Variants in TNKS observed in about 807,000 individuals in gnomAD.
The protein encoded by TNKS is tankyrase.
TNKS carries 72 observed loss-of-function variants against 135.8 expected under a neutral mutation model. The observed-to-expected ratio is 0.53, with a 90% CI of 0.44 to 0.64. TNKS has a LOEUF of 0.64. Ranked by LOEUF, TNKS falls within the 30% of genes least tolerant of loss-of-function variation. TNKS has a pLI of 0.00. For synonymous variants in TNKS, 849 were observed against 649.3 expected (o/e 1.31, Z -4.68); for missense variants, 1,769 against 1,674.0 (o/e 1.06, Z -0.99).
At chr8:9,731,056 G>T (rs765141845) in intron 14 of TNKS, 21 bp downstream of exon 14, 13 of 1,551,438 alleles carry the variant, frequency 8.4e-6, no homozygotes, top group African/African-American at 2.8e-5. Flanking sequence ...GAAGTTAGCT[G>T]TTTGGGAGTC....
chr8:9,621,150 A>T (rs933721548), intron 3 of TNKS, among the ~76,000 whole-genome samples: 5 of 152,208 alleles, frequency 3.3e-5, no homozygotes, highest in Non-Finnish European at 5.9e-5. Context: ...CATTTTAAAA[A>T]TGTTTTAATT....
intron 2 of TNKS, among the ~76,000 whole-genome samples, chr8:9,593,609 G>A (rs989015746): frequency 3.9e-5 from 6 of 152,164 alleles, no homozygotes; most frequent in Admixed American, 3.3e-4. Flanking sequence ...TAAACCAAGT[G>A]TAACTTACTC....
At chr8:9,642,877 AGTAT>A (rs1303266229) in intron 3 of TNKS, among the ~76,000 whole-genome samples, 3 of 146,376 alleles carry the variant, frequency 2.0e-5, no homozygotes, top group Non-Finnish European at 4.5e-5. Flanking sequence ...CTTGACTAAA[AGTAT>A]GTAAGTACTG....
chr8:9,774,849 G>A lies in TNKS; in HGVS notation c.3898-1801G>A, dbSNP rs74594285. Among the ~76,000 whole-genome samples the A allele has an allele frequency of 4.2e-3, 637 of 152,236 alleles. 29 individuals carry two copies. In the East Asian group the frequency reaches 0.096, roughly 23 times the overall value. On this transcript the variant is annotated intron_variant, in intron 26 of 26. Coordinates refer to ENST00000310430, the MANE Select transcript of TNKS (RefSeq NM_003747.3). ...ACTCCTTTGCTTCAACAGCTTTTCC[G>A]CAAGTAAAATGTCATAGAAAGTATT...
Position 9,598,787 on chromosome 8 carries a change from A to G in TNKS, c.899-16795A>G, listed in dbSNP as rs1472876960. Among the ~76,000 whole-genome samples the G allele has an allele frequency of 9.4e-3, 719 of 76,848 alleles. 25 individuals carry two copies. Among genetic ancestry groups the G allele is most frequent in the African/African-American group, 0.032 (605 of 18,890 alleles). 50.4% of individuals were successfully genotyped at this position (76,848 alleles called of 152,430 possible). On this transcript the variant is annotated intron_variant, in intron 2 of 26. Transcript: ENST00000310430. The stretch of plus-strand genomic sequence containing the variant: ...TGTGTATATATATATATATATATAT[A>G]TATATATATATATATATATATATAT...
chr8:9,730,398 A>G (rs1168580715), intron 13 of TNKS, among the ~76,000 whole-genome samples: 1 of 152,182 alleles, frequency 6.6e-6, no homozygotes, highest in African/African-American at 2.4e-5. Flanking sequence ...TGCTACAGTC[A>G]ATCAAAAGAC....
intron 5 of TNKS, among the ~76,000 whole-genome samples, chr8:9,696,150 C>T (rs1031373652): frequency 2.0e-5 from 3 of 152,082 alleles, no homozygotes; most frequent in Non-Finnish European, 4.4e-5. Flanking sequence ...TTTAAAGCTA[C>T]AAGACTGCAT....
intron 3 of TNKS, among the ~76,000 whole-genome samples, chr8:9,635,192 T>C (rs114335270): frequency 6.8e-6 from 1 of 147,562 alleles, no homozygotes; most frequent in Non-Finnish European, 1.5e-5. Flanking sequence ...AAAAAAAAAG[T>C]AATGAACTGC....
chr8:9,772,505 A>G (rs1807971869), intron 26 of TNKS: 1 of 441,802 alleles, frequency 2.3e-6, no homozygotes, highest in Non-Finnish European at 4.5e-6. Context: ...ATATTATAAA[A>G]GAAAGGCTGT....
Position 9,768,026 on chromosome 8 carries a change from G to GT in TNKS, c.3740+1608dup, listed in dbSNP as rs138502342. On this transcript the variant is annotated intron_variant, in intron 25 of 26. Coordinates refer to ENST00000310430, the MANE Select transcript of TNKS (RefSeq NM_003747.3). ...GTATAGCATGTAAAAGTATTTTTGG[G>GT]TTTTTTTGTTTGTTTTTTTGCTTCA... is the stretch of plus-strand genomic sequence containing the variant. 4.6e-5 allele frequency among the ~76,000 whole-genome samples: 7 copies of GT among 151,770 alleles called. No homozygotes were observed. In the East Asian group the frequency reaches 5.8e-4, roughly 13 times the overall value.
At chr8:9,590,422 A>T (rs1228861125) in intron 2 of TNKS, among the ~76,000 whole-genome samples, 1 of 152,122 alleles carries the variant, frequency 6.6e-6, no homozygotes, top group Non-Finnish European at 1.5e-5. Flanking sequence ...CTCTTTTATC[A>T]TGTTTTATTT....
At chr8:9,644,119 G>C (rs375701377) in intron 3 of TNKS, among the ~76,000 whole-genome samples, 4 of 151,958 alleles carry the variant, frequency 2.6e-5, no homozygotes, top group Non-Finnish European at 5.9e-5. Context: ...CTGAAGAGAG[G>C]GGGGAATGGG....
chr8:9,694,195 G>A (rs943368699), intron 5 of TNKS, among the ~76,000 whole-genome samples: 8 of 152,148 alleles, frequency 5.3e-5, no homozygotes, highest in Non-Finnish European at 8.8e-5. Context: ...AATTCACCAT[G>A]TCGGATTATC....
chr8:9,577,062 T>A (rs919770428), intron 1 of TNKS, among the ~76,000 whole-genome samples: 16 of 152,106 alleles, frequency 1.1e-4, no homozygotes, highest in African/African-American at 3.9e-4. Context: ...TATATTTAGT[T>A]TTCAACAGTA....
At chr8:9,611,104 C>T (rs1158564873) in intron 2 of TNKS, among the ~76,000 whole-genome samples, 1 of 152,118 alleles carries the variant, frequency 6.6e-6, no homozygotes, top group Admixed American at 6.5e-5. Context: ...AATTTTGTGA[C>T]CCTACCTTAA....
In TNKS at chr8:9,726,590, G is replaced by T. The variant is rs769875861; in HGVS notation, c.1922-51G>T. ...TTTGTTTCCAAAATCAATGCAGTTG[G>T]AATATATGAGTTTGGATATATATAT... On this transcript the variant is annotated intron_variant, in intron 12 of 26. Transcript: ENST00000310430. The T allele has an allele frequency of 5.2e-6, 7 of 1,339,642 alleles. No homozygotes were observed. In the East Asian group the frequency reaches 1.5e-4, roughly 28 times the overall value. 83.0% of individuals were successfully genotyped at this position (1,339,642 alleles called of 1,614,324 possible). A position where few individuals can be genotyped will look rare whatever the true frequency, so the allele number is the denominator to read the frequency against.
chr8:9,612,935 A>C (rs1799516329), intron 2 of TNKS, among the ~76,000 whole-genome samples: 1 of 152,238 alleles, frequency 6.6e-6, no homozygotes, highest in Admixed American at 6.5e-5. Context: ...GGAAGATAAA[A>C]TGTATTTACT....
Position 9,679,998 on chromosome 8 carries a change from C to A in TNKS, c.1031+11C>A, listed in dbSNP as rs756587675. On this transcript the variant is annotated intron_variant, in intron 4 of 26. Transcript: ENST00000310430. ...CCTAGAAGCTGCTAGGTAAGTGATT[C>A]CATTCATTTTAAGTGTATATAATGC... 7 of 1,606,644 alleles carry A rather than the reference C, an allele frequency of 4.4e-6. No individual in the cohort carries two copies. In the South Asian group the frequency reaches 7.7e-5, roughly 18 times the overall value.
chr8:9,729,771 C>T (rs373029232), intron 13 of TNKS, among the ~76,000 whole-genome samples: 117 of 94,950 alleles, frequency 1.2e-3, no homozygotes, highest in Admixed American at 1.9e-3. Flanking sequence ...ATATGATATT[C>T]TTTTTTTTTT....
Sources: allele counts gnomAD v4.1 joint callset (sites outside exome capture counted in the v4.1 genomes callset), GRCh38; gene constraint gnomAD v4.1.1; transcripts MANE v1.5; gene names NCBI Gene and HGNC (gene_info 2026-07-23, HGNC 2026-07-21).